Variants in HS3ST4 observed in about 807,000 individuals in gnomAD.
HS3ST4 encodes the protein heparan sulfate glucosamine 3-O-sulfotransferase 4.
Under a neutral mutation model 29.2 loss-of-function variants are expected in HS3ST4, and 17 were observed. That is an observed-to-expected ratio of 0.58 (90% CI 0.40 to 0.87). HS3ST4 has a LOEUF of 0.87. HS3ST4 is among the 40% of genes least tolerant of loss of function. The pLI, the probability that HS3ST4 is intolerant of heterozygous loss-of-function variation, is 0.00. For missense variants in HS3ST4, 627 were observed against 634.5 expected, an observed-to-expected ratio of 0.99 and a Z score of 0.13; for synonymous variants, 314 against 285.7, an observed-to-expected ratio of 1.10 and a Z score of -1.00.
chr16:26,016,951 A>G (rs1194209860), intron 1 of HS3ST4, among the ~76,000 whole-genome samples: 3 of 152,158 alleles, frequency 2.0e-5, no homozygotes, highest in Non-Finnish European at 4.4e-5. Flanking sequence ...TTACCTCCCA[A>G]CTATTTATTA....
intron 1 of HS3ST4, among the ~76,000 whole-genome samples, chr16:25,713,099 G>T (rs1966428365): frequency 6.6e-6 from 1 of 151,852 alleles, no homozygotes. Flanking sequence ...TACACATGCA[G>T]GTTTGTTACA....
chr16:25,962,145 G>GCT (rs1450455845), intron 1 of HS3ST4, among the ~76,000 whole-genome samples: 2 of 152,174 alleles, frequency 1.3e-5, no homozygotes, highest in African/African-American at 4.8e-5. Context: ...GGTATGGGCA[G>GCT]CTCTTGTATA....
chr16:25,807,438 T>G (rs889941823), intron 1 of HS3ST4, among the ~76,000 whole-genome samples: 1 of 152,256 alleles, frequency 6.6e-6, no homozygotes, highest in African/African-American at 2.4e-5. Flanking sequence ...CTGACTTTTT[T>G]TTATTCAACA....
At chr16:25,950,458 T>A (rs1968671811) in intron 1 of HS3ST4, among the ~76,000 whole-genome samples, 1 of 152,160 alleles carries the variant, frequency 6.6e-6, no homozygotes, top group Non-Finnish European at 1.5e-5. Flanking sequence ...ATTGGGTGGA[T>A]GGATAGATCT....
intron 1 of HS3ST4, among the ~76,000 whole-genome samples, chr16:25,901,795 A>G (rs1291994503): frequency 6.6e-6 from 1 of 152,078 alleles, no homozygotes; most frequent in East Asian, 1.9e-4. Context: ...GCTTTCTCTT[A>G]TCTTTTTCTT....
At chr16:25,871,086 A>G (rs936006366) in intron 1 of HS3ST4, among the ~76,000 whole-genome samples, 13 of 152,216 alleles carry the variant, frequency 8.5e-5, no homozygotes, top group Admixed American at 2.0e-4. Context: ...GGATCTTCCA[A>G]GATGCAGAAG....
intron 1 of HS3ST4, among the ~76,000 whole-genome samples, chr16:25,700,175 G>A (rs2141580141): frequency 6.6e-6 from 1 of 152,318 alleles, no homozygotes; most frequent in Middle Eastern, 3.4e-3. Flanking sequence ...TTGGTCTATT[G>A]TAACTTGAGC....
chr16:25,707,932 A>G (rs1010690219), intron 1 of HS3ST4, among the ~76,000 whole-genome samples: 6 of 152,204 alleles, frequency 3.9e-5, no homozygotes, highest in African/African-American at 1.4e-4. Flanking sequence ...TGCTAGTGGT[A>G]AGAGCATCAC....
rs1222598791 is a variant in HS3ST4 at position 25,820,483 on chromosome 16, T to C, written c.734+127332T>C. Among the ~76,000 whole-genome samples the C allele has an allele frequency of 2.6e-5, 4 of 152,322 alleles. No individual in the cohort carries two copies. The South Asian group carries it at 8.3e-4, about 32-fold the overall frequency. On this transcript the variant is annotated intron_variant, in intron 1 of 1. Coordinates refer to ENST00000331351, the MANE Select transcript of HS3ST4 (RefSeq NM_006040.3). ...GTCATAGCTCACTGTAGCCTCGACCTCTTGGGCTCAAGAGATCCTCCTGCC... is the reference window on the plus strand; with the variant it reads ...GTCATAGCTCACTGTAGCCTCGACCCCTTGGGCTCAAGAGATCCTCCTGCC...
At chr16:25,821,860 G>T (rs1292967349) in intron 1 of HS3ST4, among the ~76,000 whole-genome samples, 2 of 152,050 alleles carry the variant, frequency 1.3e-5, no homozygotes, top group African/African-American at 4.8e-5. Flanking sequence ...GTGACCTGAG[G>T]ATCGTGCCAC....
intron 1 of HS3ST4, among the ~76,000 whole-genome samples, chr16:25,859,010 T>C (rs1967611085): frequency 6.6e-6 from 1 of 152,144 alleles, no homozygotes; most frequent in Non-Finnish European, 1.5e-5. Context: ...TTTCCTGTAA[T>C]GTGGGGGTTA....
intron 1 of HS3ST4, among the ~76,000 whole-genome samples, chr16:26,028,150 G>A (rs1238359366): frequency 6.6e-6 from 1 of 151,644 alleles, no homozygotes; most frequent in Non-Finnish European, 1.5e-5. Context: ...GCAGGCGCCT[G>A]TAATCTCAGC....
At chr16:25,732,902 G>C (rs1158937832) in intron 1 of HS3ST4, among the ~76,000 whole-genome samples, 1 of 152,108 alleles carries the variant, frequency 6.6e-6, no homozygotes, top group African/African-American at 2.4e-5. Flanking sequence ...AACATATCAG[G>C]CTTATAGCCC....
At chr16:25,991,447 GAGAC>G (rs1444977728) in intron 1 of HS3ST4, among the ~76,000 whole-genome samples, 2 of 152,198 alleles carry the variant, frequency 1.3e-5, no homozygotes, top group African/African-American at 4.8e-5. Flanking sequence ...CTGTCAAACT[GAGAC>G]AGAGTACCAT....
intron 1 of HS3ST4, among the ~76,000 whole-genome samples, chr16:25,905,146 A>G (rs966381519): frequency 6.6e-6 from 1 of 152,120 alleles, no homozygotes; most frequent in African/African-American, 2.4e-5. Flanking sequence ...CCTCCTCTCT[A>G]TGAGGAGCTG....
At chr16:26,049,558 C>T (rs1278278185) in intron 1 of HS3ST4, among the ~76,000 whole-genome samples, 3 of 151,904 alleles carry the variant, frequency 2.0e-5, no homozygotes, top group African/African-American at 7.3e-5. Flanking sequence ...CAACAGTCAA[C>T]CCAGAAGAGG....
intron 1 of HS3ST4, among the ~76,000 whole-genome samples, chr16:25,746,023 A>G (rs1168833832): frequency 2.6e-5 from 4 of 152,148 alleles, no homozygotes; most frequent in African/African-American, 9.7e-5. Flanking sequence ...TTTACCTTCT[A>G]TTGGAAATCC....
chr16:25,905,920 G>A (rs145595204), intron 1 of HS3ST4, among the ~76,000 whole-genome samples: 2 of 152,304 alleles, frequency 1.3e-5, no homozygotes, highest in African/African-American at 4.8e-5. Context: ...ATAGCTGAGT[G>A]TTTATGGCTG....
Position 26,086,737 on chromosome 16 carries a change from A to G in HS3ST4, c.735-48875A>G, listed in dbSNP as rs1022790832. On this transcript the variant is annotated intron_variant, in intron 1 of 1. Transcript: ENST00000331351. ...TATTTGATGAATAAATGAAATGCACAAAGCCTTTTGACCCTTAATAAATAT... is the reference window on the plus strand; with the variant it reads ...TATTTGATGAATAAATGAAATGCACGAAGCCTTTTGACCCTTAATAAATAT... 5.4e-4 allele frequency among the ~76,000 whole-genome samples: 83 copies of G among 152,320 alleles called. 1 individual carries two copies. The highest frequency in any genetic ancestry group is 2.6e-4 in the Admixed American group (4 of 15,302).
Sources: allele counts gnomAD v4.1 joint callset (sites outside exome capture counted in the v4.1 genomes callset), GRCh38; gene constraint gnomAD v4.1.1; transcripts MANE v1.5; gene names NCBI Gene and HGNC (gene_info 2026-07-23, HGNC 2026-07-21).